ELAVL2: variants seen among roughly 807,000 people sequenced by gnomAD.
The protein encoded by ELAVL2 is ELAV-like protein 2.
In ELAVL2, 4 loss-of-function variants were observed where a neutral mutation model predicts 34.6. The ratio of observed to expected loss-of-function variants is 0.12; its 90% CI spans 0.06 to 0.26. The LOEUF (loss-of-function observed/expected upper bound fraction) is 0.26, where lower values mean the gene tolerates loss of function less well. Among genes scored for constraint, ELAVL2 ranks in the 10% least tolerant of loss-of-function variants. The pLI is 1.00. For missense variants in ELAVL2, 432 were observed against 442.8 expected (o/e 0.98, Z 0.22); for synonymous variants, 193 against 154.8 (o/e 1.25, Z -1.83).
intron 1 of ELAVL2, among the ~76,000 whole-genome samples, chr9:23,784,137 G>C (rs2059408974): frequency 6.6e-6 from 1 of 151,898 alleles, no homozygotes; most frequent in African/African-American, 2.4e-5. Flanking sequence ...GGCAGAGCTT[G>C]CTGTGAGCCG....
chr9:23,790,511 G>C (rs1256878326), intron 1 of ELAVL2, among the ~76,000 whole-genome samples: 1 of 152,174 alleles, frequency 6.6e-6, no homozygotes, highest in Admixed American at 6.5e-5. Context: ...AAACTTGAAG[G>C]AAGTGAAATA....
chr9:23,809,831 GACAGTAAAGTTGGAGAA>G (rs1395423965), intron 1 of ELAVL2, among the ~76,000 whole-genome samples: 19 of 152,210 alleles, frequency 1.2e-4, no homozygotes, highest in East Asian at 3.9e-4. Flanking sequence ...CAATTTTTCT[GACAGTAAAGTTGGAGAA>G]ACAGTAAAGT....
intron 1 of ELAVL2, among the ~76,000 whole-genome samples, chr9:23,822,019 C>T (rs547146921): frequency 3.3e-5 from 5 of 151,824 alleles, no homozygotes; most frequent in African/African-American, 4.8e-5. Flanking sequence ...CTCCGGACTT[C>T]CGAGTCTCAC....
intron 1 of ELAVL2, among the ~76,000 whole-genome samples, chr9:23,802,963 CAAACA>C (rs774464538): frequency 6.6e-6 from 1 of 151,986 alleles, no homozygotes; most frequent in Non-Finnish European, 1.5e-5. Flanking sequence ...ATACACATAA[CAAACA>C]AAAGGTCCTG....
chr9:23,794,210 G>A (rs1257601461), intron 1 of ELAVL2, among the ~76,000 whole-genome samples: 5 of 152,120 alleles, frequency 3.3e-5, no homozygotes, highest in African/African-American at 1.2e-4. Context: ...GGGTTGGTAG[G>A]GCAAAGAAAT....
At chr9:23,824,955 G>T (rs1210519925) in intron 1 of ELAVL2, among the ~76,000 whole-genome samples, 3 of 152,118 alleles carry the variant, frequency 2.0e-5, no homozygotes, top group African/African-American at 7.2e-5. Flanking sequence ...GAAGTCAGCC[G>T]CGTAGGACCA....
At chr9:23,804,563 A>T (rs1347315645) in intron 1 of ELAVL2, among the ~76,000 whole-genome samples, 1 of 152,192 alleles carries the variant, frequency 6.6e-6, no homozygotes, top group Non-Finnish European at 1.5e-5. Context: ...GCTATTTCAA[A>T]CAGTGCTTAC....
chr9:23,699,107 T>C (rs926811973), intron 5 of ELAVL2, among the ~76,000 whole-genome samples: 1 of 152,172 alleles, frequency 6.6e-6, no homozygotes, highest in African/African-American at 2.4e-5. Context: ...AATGATAACA[T>C]ATGGTACTAA....
intron 1 of ELAVL2, among the ~76,000 whole-genome samples, chr9:23,805,130 C>A (rs1316676017): frequency 6.6e-6 from 1 of 152,002 alleles, no homozygotes; most frequent in South Asian, 2.1e-4. Flanking sequence ...AAAAGACCAC[C>A]TAATAGGAAA....
intron 1 of ELAVL2, among the ~76,000 whole-genome samples, chr9:23,820,856 C>G (rs769304732): frequency 6.6e-6 from 1 of 152,238 alleles, no homozygotes; most frequent in South Asian, 2.1e-4. Context: ...GCCCGCGCTT[C>G]CCGCGCAGCG....
chr9:23,697,344 G>A (rs1162694896), intron 5 of ELAVL2, among the ~76,000 whole-genome samples: 1 of 152,170 alleles, frequency 6.6e-6, no homozygotes, highest in Non-Finnish European at 1.5e-5. Flanking sequence ...AATCCAACAT[G>A]CATCACATGA....
chr9:23,770,066 G>A (rs1056172224), intron 1 of ELAVL2, among the ~76,000 whole-genome samples: 1 of 152,198 alleles, frequency 6.6e-6, no homozygotes, highest in Non-Finnish European at 1.5e-5. Flanking sequence ...ACATCTCCAT[G>A]CAGCTCCCAC....
intron 2 of ELAVL2, among the ~76,000 whole-genome samples, chr9:23,750,747 G>C (rs1023228819): frequency 6.6e-6 from 1 of 152,108 alleles, no homozygotes; most frequent in African/African-American, 2.4e-5. Context: ...TAGAATAAGA[G>C]CAAACTACAA....
Position 23,762,884 on chromosome 9 carries a change from G to T in ELAVL2, c.-15-635C>A, listed in dbSNP as rs565945769. Among the ~76,000 whole-genome samples the T allele has an allele frequency of 2.6e-5, 4 of 152,174 alleles. No homozygotes were observed. The East Asian group carries it at 7.7e-4, about 29-fold the overall frequency. On this transcript the variant is annotated intron_variant, in intron 1 of 6. Transcript: ENST00000397312. Reference sequence around the variant, plus strand: ...GATGCTATATTTTAGGGAGTGGAAAGGAACTAACTGTAAGGTAACTTGGGA... The same window carrying T: ...GATGCTATATTTTAGGGAGTGGAAATGAACTAACTGTAAGGTAACTTGGGA...
chr9:23,762,346 C>A, intron 1 of ELAVL2, 97 bp from the exon 2 acceptor site: 1 of 1,464,240 alleles, frequency 6.8e-7, no homozygotes, highest in South Asian at 1.3e-5. Context: ...AAACACAAGT[C>A]GTTCTAATGA....
At chr9:23,788,718 G>C (rs2059991316) in intron 1 of ELAVL2, among the ~76,000 whole-genome samples, 2 of 152,162 alleles carry the variant, frequency 1.3e-5, no homozygotes, top group South Asian at 4.1e-4. Context: ...TGGGGCCGCT[G>C]AAAGTAAAAG....
chr9:23,811,213 G>A (rs771970865), intron 1 of ELAVL2, among the ~76,000 whole-genome samples: 1 of 152,052 alleles, frequency 6.6e-6, no homozygotes, highest in South Asian at 2.1e-4. Flanking sequence ...TTTTCAAAAA[G>A]TCCAAGAAAC....
At chr9:23,750,155 G>T (rs2051556883) in intron 2 of ELAVL2, among the ~76,000 whole-genome samples, 1 of 151,858 alleles carries the variant, frequency 6.6e-6, no homozygotes, top group Non-Finnish European at 1.5e-5. Flanking sequence ...AGCATTCAGA[G>T]AACTAAAATA....
At chr9:23,812,810 T>C (rs1046992026) in intron 1 of ELAVL2, among the ~76,000 whole-genome samples, 1 of 151,472 alleles carries the variant, frequency 6.6e-6, no homozygotes, top group African/African-American at 2.4e-5. Flanking sequence ...ACTGCCAACA[T>C]TAAGCTATTA....
Sources: gnomAD v4.1 joint callset for allele counts (sites outside exome capture counted in the v4.1 genomes callset) on GRCh38, gnomAD v4.1.1 for gene constraint, MANE v1.5 for transcripts, NCBI Gene and HGNC (gene_info 2026-07-23, HGNC 2026-07-21) for gene names.